UBR4: variants seen among roughly 807,000 people sequenced by gnomAD.
UBR4 encodes E3 ubiquitin-protein ligase UBR4.
In UBR4, 124 loss-of-function variants were observed where a neutral mutation model predicts 575.6. The ratio of observed to expected loss-of-function variants is 0.22; its 90% CI spans 0.19 to 0.25. The LOEUF is 0.25. UBR4 is among the 10% of genes least tolerant of loss of function. The pLI, the probability that UBR4 is intolerant of heterozygous loss-of-function variation, is 1.00. For missense variants in UBR4, 4,818 were observed against 6,478.8 expected (o/e 0.74, Z 8.80); for synonymous variants, 2,455 against 2,473.7 (o/e 0.99, Z 0.22).
chr1:19,201,653 G>A (rs540828387), intron 2 of UBR4, 65 bp downstream of exon 2: 90 of 1,402,268 alleles, frequency 6.4e-5, no homozygotes, highest in South Asian at 3.4e-4. Flanking sequence ...ATACACTAAC[G>A]AGAGGATAAA....
At chr1:19,113,492 G>T in intron 77 of UBR4, 1 of 707,632 alleles carries the variant, frequency 1.4e-6, no homozygotes, top group Non-Finnish European at 2.3e-6. Flanking sequence ...CAGTTATCTA[G>T]CATGAACTCA....
At chr1:19,119,771 G>A (rs2149453301) in intron 69 of UBR4, 70 bp from the exon 70 acceptor site, 4 of 1,539,988 alleles carry the variant, frequency 2.6e-6, no homozygotes, top group Middle Eastern at 2.4e-4. Flanking sequence ...TATCATTGAG[G>A]CTCTGGTACC....
At chr1:19,177,890 C>T in intron 18 of UBR4, 147 bp from the exon 19 acceptor site, 2 of 1,059,432 alleles carry the variant, frequency 1.9e-6, no homozygotes, top group Non-Finnish European at 1.3e-6. Context: ...ATGGTAAAGA[C>T]AAGACAGAAA....
At chr1:19,161,475 G>T in intron 37 of UBR4, 114 bp downstream of exon 37, 2 of 1,394,632 alleles carry the variant, frequency 1.4e-6, no homozygotes, top group Non-Finnish European at 1.9e-6. Flanking sequence ...GAGTGAGCTG[G>T]AACATATTCC....
In UBR4 at chr1:19,120,200, A is replaced by G; in HGVS notation, c.10290T>C (p.Cys3430=). The part of the protein sequence containing the change: ...NSSSVRWQAH[C]LTLHIYRNSS... ...CCTACCTGTAGATGTGCAGTGTCAG[A>G]CAGTGGGCCTGCCAGCGCACCGAGG... is the stretch of plus-strand genomic sequence containing the variant. The change falls in exon 69 of 106, where the codon TGT becomes TGC. Residue 3430 remains cysteine, a synonymous_variant. Transcript: ENST00000375254. The G allele has an allele frequency of 6.2e-7, 1 of 1,614,184 alleles. No homozygotes were observed. The highest frequency in any genetic ancestry group is 1.1e-5 in the South Asian group (1 of 91,078).
chr1:19,146,031 G>T, intron 52 of UBR4, 98 bp from the exon 53 acceptor site: 2 of 1,595,352 alleles, frequency 1.3e-6, no homozygotes, highest in Non-Finnish European at 1.7e-6. Flanking sequence ...GCCTGGGGAG[G>T]GAGTTTCAAG....
At chr1:19,107,011 C>T (rs1348161394) in intron 81 of UBR4, 45 bp from the exon 82 acceptor site, 3 of 1,605,186 alleles carry the variant, frequency 1.9e-6, no homozygotes. Context: ...CAAGGGCACA[C>T]CTGAGCCATA....
chr1:19,205,899 C>G (rs2092982298), intron 1 of UBR4, among the ~76,000 whole-genome samples: 1 of 152,138 alleles, frequency 6.6e-6, no homozygotes, highest in Admixed American at 6.5e-5. Flanking sequence ...AAAGAATTGG[C>G]TCAGAGAGAA....
rs1389245755 is a variant in UBR4, at chr1:19,147,008, A to G, written c.7630-8T>C. The G allele has an allele frequency of 6.3e-7, 1 of 1,587,306 alleles. No homozygotes were observed. Among genetic ancestry groups the G allele is most frequent in the South Asian group, 1.1e-5 (1 of 88,102 alleles). On this transcript the variant is annotated splice_region_variant and splice_polypyrimidine_tract_variant and intron_variant, in intron 51 of 105. Coordinates refer to ENST00000375254, the MANE Select transcript of UBR4 (RefSeq NM_020765.3). Reference sequence around the variant, plus strand: ...GCTCAGCAAGGCCTGATCCTGTAAAACAACAGGAGCACAGAGGGTCAGCCA... The same window carrying G: ...GCTCAGCAAGGCCTGATCCTGTAAAGCAACAGGAGCACAGAGGGTCAGCCA...
Position 19,153,502 on chromosome 1 carries a change from T to A in UBR4, c.6631A>T (p.Ile2211Phe). Residue 2211 changes from isoleucine to phenylalanine, a missense_variant and splice_region_variant, in exon 46 of 106, where the codon ATC becomes TTC. Physicochemically the swap from Ile to Phe is conservative, Grantham distance 21. Transcript: ENST00000375254. The surrounding 1 kb of genome is among the most constrained non-coding windows in gnomAD (Gnocchi z 4.1). ...EIKTLPAKAKIQDMVAIRHTA... is the reference protein window; with the variant it reads ...EIKTLPAKAKFQDMVAIRHTA... ...TGCCTAATAGCAACCATGTCTTGGA[T>A]CTAGGAGGAGAGGACAAAGGAGGGT... 6.2e-7 allele frequency: 1 copy of A among 1,613,810 alleles called. No homozygotes were observed. Among genetic ancestry groups the A allele is most frequent in the Non-Finnish European group, 8.5e-7 (1 of 1,179,938 alleles).
Position 19,096,615 on chromosome 1 carries a change from C to A in UBR4, c.13426G>T (p.Ala4476Ser). The A allele has an allele frequency of 6.2e-7, 1 of 1,613,702 alleles. No individual in the cohort carries two copies. The highest frequency in any genetic ancestry group is 8.5e-7 in the Non-Finnish European group (1 of 1,179,900). Residue 4476 changes from alanine to serine, a missense_variant, in exon 92 of 106, where the codon GCT becomes TCT. By Grantham distance (99) the Ala-to-Ser change is moderately conservative. Around this residue, in one of 29 missense-constraint regions of UBR4, gnomAD observed 165 missense variants for 282.3 expected, o/e 0.58. Coordinates refer to ENST00000375254, the MANE Select transcript of UBR4 (RefSeq NM_020765.3). ...EEDEEEVYKM[A>S]GVMAQCGGLE... ...CCCCCACACTGGGCCATCACACCAG[C>A]CATTTTATACACTTCTTCTTCATCT...
At chr1:19,083,722 C>CA (rs1476044843) in intron 102 of UBR4, among the ~76,000 whole-genome samples, 1 of 152,148 alleles carries the variant, frequency 6.6e-6, no homozygotes, top group South Asian at 2.1e-4. Flanking sequence ...TTCATTAAGA[C>CA]AGAGTCTTGC....
intron 83 of UBR4, 21 bp from the exon 84 acceptor site, chr1:19,105,863 G>A: frequency 6.5e-7 from 1 of 1,548,362 alleles, no homozygotes; most frequent in Non-Finnish European, 8.7e-7. Flanking sequence ...GGGGAGAGAA[G>A]GGGTCGTAGA....
rs763701907 is a variant in UBR4, at chr1:19,176,676, C to T, written c.2689G>A (p.Asp897Asn). 11 of 1,614,046 alleles carry T rather than the reference C, an allele frequency of 6.8e-6. No individual in the cohort carries two copies. The highest frequency in any genetic ancestry group is 5.9e-6 in the Non-Finnish European group (7 of 1,180,004). The part of the protein sequence containing the change: ...PPFGWASGSQ[D>N]SNSRRATTPL... ...GTGGTTGCCCGGCGGCTGTTGCTGT[C>T]CTGGGATCCACTTGCCCACCCAAAG... is the stretch of plus-strand genomic sequence containing the variant. The change falls in exon 20 of 106, where the codon GAC (aspartate) becomes AAC (asparagine). Residue 897 changes from aspartate (D) to asparagine (N), a missense_variant. Coordinates refer to ENST00000375254, the MANE Select transcript of UBR4 (RefSeq NM_020765.3).
In UBR4 at chr1:19,164,349, G is replaced by A; in HGVS notation, c.4604C>T (p.Pro1535Leu). The change falls in exon 33 of 106, where the codon CCT becomes CTT. Residue 1535 changes from proline to leucine, a missense_variant. Pro to Leu is a moderately conservative substitution (Grantham distance 98). This residue lies in a region of UBR4 where 1,172 missense variants were observed against 1,259.7 expected (regional missense o/e 0.93). Coordinates refer to ENST00000375254, the MANE Select transcript of UBR4 (RefSeq NM_020765.3). ...AGTGGCCATCACAACCATAAGTTCA[G>A]GGAAGCCAGTCCCATCACCGTTGGC... The part of the protein sequence containing the change: ...MLANGDGTGF[P>L]ELMVVMATLA... 6.2e-7 allele frequency: 1 copy of A among 1,614,134 alleles called. No homozygotes were observed. Among genetic ancestry groups the A allele is most frequent in the Non-Finnish European group, 8.5e-7 (1 of 1,180,026 alleles).
intron 57 of UBR4, 42 bp from the exon 58 acceptor site, chr1:19,140,934 T>A: frequency 6.4e-7 from 1 of 1,561,764 alleles, no homozygotes; most frequent in South Asian, 1.2e-5. Flanking sequence ...CCCCTCCAGG[T>A]CCCATCCACA....
chr1:19,176,028 C>T (rs113733436), intron 20 of UBR4, among the ~76,000 whole-genome samples: 9 of 152,266 alleles, frequency 5.9e-5, no homozygotes, highest in Middle Eastern at 3.4e-3. Context: ...TTCAAGCGAT[C>T]TTCCCACTTT....
chr1:19,173,547 G>A lies in UBR4; in HGVS notation c.3057C>T (p.Tyr1019=), dbSNP rs145397189. Residue 1019 remains tyrosine (Y), a synonymous_variant, in exon 23 of 106, where the codon TAC becomes TAT. Coordinates refer to ENST00000375254, the MANE Select transcript of UBR4 (RefSeq NM_020765.3). ...ILGILPPSKT[Y]INQLSMNSPE... ...GTGAGTTCATGGATAGCTGGTTAATGTAAGTCTTTGATGGTGGTAAAATTC... is the reference window on the plus strand; with the variant it reads ...GTGAGTTCATGGATAGCTGGTTAATATAAGTCTTTGATGGTGGTAAAATTC... 4.3e-6 allele frequency: 7 copies of A among 1,614,192 alleles called. No homozygotes were observed. Among genetic ancestry groups the A allele is most frequent in the East Asian group, 2.2e-5 (1 of 44,882 alleles).
At chr1:19,108,912 C>T (rs1231616691) in intron 81 of UBR4, among the ~76,000 whole-genome samples, 1 of 152,158 alleles carries the variant, frequency 6.6e-6, no homozygotes, top group Non-Finnish European at 1.5e-5. Flanking sequence ...TGAAAAATCT[C>T]CCTTTGCCTC....
Sources: gnomAD v4.1 joint callset for allele counts (sites outside exome capture counted in the v4.1 genomes callset) on GRCh38, gnomAD v4.1.1 for gene constraint, gnomAD v4.1.1 regional missense constraint, Gnocchi (gnomAD v3.1) non-coding constraint, MANE v1.5 for transcripts, NCBI Gene and HGNC (gene_info 2026-07-23, HGNC 2026-07-21) for gene names.